The following ZNF814 variants were observed in gnomAD, a reference collection of about 807,000 sequenced individuals.
ZNF814 encodes zinc finger protein 814.
A neutral mutation model predicts 7.5 loss-of-function variants in ZNF814; 5 were observed. The ratio of observed to expected loss-of-function variants is 0.67; its 90% confidence interval spans 0.35 to 1.40. ZNF814 has a LOEUF of 1.40. Ranked by LOEUF, ZNF814 falls within the 40% of genes most tolerant of loss-of-function variation. The probability of loss-of-function intolerance (pLI) is 0.04; values close to 1 mark genes in which losing one functional copy is unlikely to be tolerated. For missense variants in ZNF814, 962 were observed against 1,018.0 expected, an observed-to-expected ratio of 0.94 and a Z score of 0.75; for synonymous variants, 315 against 340.7, an observed-to-expected ratio of 0.92 and a Z score of 0.83.
In ZNF814 at chr19:57,873,355, G is replaced by A; in HGVS notation, c.2035C>T (p.Gln679Ter). ...FSHKGNLILH[Q>*]HGHTGERPYV... is the part of the protein sequence containing the mutation. ...GGTCTTTCTCCAGTATGGCCATGCTGGTGTAGAATGAGGTTACCCTTGTGA... is the reference window on the plus strand; with the variant it reads ...GGTCTTTCTCCAGTATGGCCATGCTAGTGTAGAATGAGGTTACCCTTGTGA... Residue 679 changes from glutamine (Q) to a stop codon, truncating the protein, a stop_gained, in exon 3 of 3, where the codon CAG becomes TAG. Coordinates refer to ENST00000435989, the MANE Select transcript of ZNF814 (RefSeq NM_001144989.2). LOFTEE classifies it low-confidence loss of function (END_TRUNC). 6.3e-7 allele frequency: 1 copy of A among 1,598,244 alleles called. No homozygotes were observed. Among genetic ancestry groups the A allele is most frequent in the Non-Finnish European group, 8.5e-7 (1 of 1,172,092 alleles).
chr19:57,872,762 ACT>A lies in ZNF814; in HGVS notation c.*58_*59del, dbSNP rs1275336377. 6.8e-6 allele frequency: 11 copies of A among 1,607,224 alleles called. No individual in the cohort carries two copies. The East Asian group carries it at 8.9e-5, about 13-fold the overall frequency. ...TTCATATGGCCTTTCTCCAGTGTGA[ACT>A]CTCTGGTGTGCAATGAGGTGGTCCT... is the stretch of plus-strand genomic sequence containing the variant. On this transcript the variant is annotated 3_prime_UTR_variant, in exon 3 of 3. Coordinates refer to ENST00000435989, the MANE Select transcript of ZNF814 (RefSeq NM_001144989.2).
At chr19:57,902,645 A>T in the ZNF814 span, among the ~76,000 whole-genome samples, 2 of 151,522 alleles carry the variant, frequency 1.3e-5, no homozygotes, top group Non-Finnish European at 1.5e-5. Flanking sequence ...TTACGTTAGC[A>T]GTAGGAAATA....
At chr19:57,892,712 C>T (rs192353940), upstream of ZNF814, among the ~76,000 whole-genome samples, 2 of 152,226 alleles carry the variant, frequency 1.3e-5, no homozygotes, top group Non-Finnish European at 2.9e-5. Flanking sequence ...TGACAAGCAG[C>T]CACCTGAACT....
In ZNF814 at chr19:57,873,764, G is replaced by A. The variant is rs780252307; in HGVS notation, c.1626C>T (p.His542=). 1 of 1,613,760 alleles carries A rather than the reference G, an allele frequency of 6.2e-7. No individual in the cohort carries two copies. The highest frequency in any genetic ancestry group is 8.5e-7 in the Non-Finnish European group (1 of 1,179,900). The part of the protein sequence containing the change: ...KGHLRNHQQI[H]TGDRLYECGE... ...CACACTCATAAAGTCTGTCCCCAGT[G>A]TGAATTTGCTGATGGTTCCTAAGAT... Residue 542 remains histidine (H), a synonymous_variant, in exon 3 of 3, where the codon CAC becomes CAT. Coordinates refer to ENST00000435989, the MANE Select transcript of ZNF814 (RefSeq NM_001144989.2).
chr19:57,900,287 A>T, the ZNF814 span: 1 of 152,228 alleles, frequency 6.6e-6, no homozygotes, highest in African/African-American at 2.4e-5. Context: ...ATCACACAAA[A>T]TATTGATGAA....
the ZNF814 span, among the ~76,000 whole-genome samples, chr19:57,901,050 G>GTTAGACAGGA: frequency 6.6e-6 from 1 of 150,962 alleles, no homozygotes; most frequent in Non-Finnish European, 1.5e-5. Context: ...GGGTTTCACC[G>GTTAGACAGGA]TGGTCTTGAT....
chr19:57,869,836 A>G lies in ZNF814; in HGVS notation c.*2986T>C, dbSNP rs1260195182. 4 of 151,348 alleles carry G rather than the reference A, an allele frequency of 2.6e-5. No individual in the cohort carries two copies. Among genetic ancestry groups the G allele is most frequent in the Admixed American group, 6.6e-5 (1 of 15,136 alleles). 9.4% of individuals were successfully genotyped at this position (151,348 alleles called of 1,614,324 possible). A position where few individuals can be genotyped will look rare whatever the true frequency, so the allele number is the denominator to read the frequency against. Reference sequence around the variant, plus strand: ...GGCACATGCTTCCAGTCCCACCTACATGGGAGGCTGAGCCAGGAGAATTGC... The same window carrying G: ...GGCACATGCTTCCAGTCCCACCTACGTGGGAGGCTGAGCCAGGAGAATTGC... On this transcript the variant is annotated 3_prime_UTR_variant, in exon 3 of 3. Transcript: ENST00000435989.
chr19:57,897,637 C>T, the ZNF814 span, among the ~76,000 whole-genome samples: 2 of 152,214 alleles, frequency 1.3e-5, no homozygotes, highest in East Asian at 3.9e-4. Context: ...TCCCCCGCCA[C>T]AGCAGGCAGT....
the ZNF814 span, among the ~76,000 whole-genome samples, chr19:57,894,657 G>A: frequency 2.7e-3 from 409 of 151,238 alleles, 2 homozygotes; most frequent in African/African-American, 9.5e-3. Flanking sequence ...GTGAAACCCC[G>A]TCTCTACTAA....
the ZNF814 span, chr19:57,901,627 G>A: frequency 2.5e-6 from 1 of 398,682 alleles, no homozygotes; most frequent in East Asian, 3.6e-5. Flanking sequence ...GAAAATCTCA[G>A]AGACAAAGGA....
the ZNF814 span, among the ~76,000 whole-genome samples, chr19:57,894,574 A>G: frequency 6.6e-6 from 1 of 152,002 alleles, no homozygotes; most frequent in African/African-American, 2.4e-5. Flanking sequence ...TCACACCTGT[A>G]ATCCCAGCAC....
At position 57,874,015 on chromosome 19, in the gene ZNF814, C is replaced by T. The variant is rs777206582; in HGVS notation, c.1375G>A (p.Ala459Thr). The change falls in exon 3 of 3, where the codon GCC becomes ACC. Residue 459 changes from alanine to threonine, a missense_variant. By Grantham distance (58) the Ala-to-Thr change is moderately conservative (BLOSUM62 0). This residue lies in a region of ZNF814 where 665 missense variants were observed against 551.4 expected (regional missense o/e 1.21). Transcript: ENST00000435989. Reference sequence around the variant, plus strand: ...CCACACTTGAAAGGTCTTTCTCCGGCGTGAACTCGTTGATGGCTCCTAAGA... The same window carrying T: ...CCACACTTGAAAGGTCTTTCTCCGGTGTGAACTCGTTGATGGCTCCTAAGA... ...GHLRSHQRVHAGERPFKCGEC... is the reference protein window; with the variant it reads ...GHLRSHQRVHTGERPFKCGEC... The T allele has an allele frequency of 6.2e-6, 10 of 1,612,200 alleles. No individual in the cohort carries two copies. The highest frequency in any genetic ancestry group is 4.4e-5 in the South Asian group (4 of 90,890).
the ZNF814 span, among the ~76,000 whole-genome samples, chr19:57,905,047 C>CAAA: frequency 9.6e-3 from 508 of 52,984 alleles, 8 homozygotes; most frequent in East Asian, 0.012. Flanking sequence ...AACTCCGTCT[C>CAAA]AAAAAAAAAA....
the ZNF814 span, among the ~76,000 whole-genome samples, chr19:57,895,328 T>C: frequency 6.6e-6 from 1 of 150,750 alleles, no homozygotes; most frequent in Admixed American, 6.6e-5. Context: ...CAGGCTGGAG[T>C]GCAGTGGTGC....
chr19:57,900,991 C>T, the ZNF814 span, among the ~76,000 whole-genome samples: 3 of 151,648 alleles, frequency 2.0e-5, no homozygotes, highest in East Asian at 1.9e-4. Flanking sequence ...GGACTACAGG[C>T]ACCCGCCGCT....
chr19:57,896,161 G>A, the ZNF814 span, among the ~76,000 whole-genome samples: 3 of 141,184 alleles, frequency 2.1e-5, no homozygotes, highest in Non-Finnish European at 4.5e-5. The surrounding 1 kb of genome is among the most constrained non-coding windows in gnomAD (Gnocchi z 4.2). Context: ...TTTTGTGAGC[G>A]AGACTCCATC....
In ZNF814 at chr19:57,872,439, C is replaced by T. The variant is rs2071563604; in HGVS notation, c.*383G>A. 5 of 350,746 alleles carry T rather than the reference C, an allele frequency of 1.4e-5. No individual in the cohort carries two copies. The Admixed American group carries it at 1.7e-4, about 12-fold the overall frequency. The allele number at this position is 350,746 out of a possible 1,614,324, so 21.7% of individuals were successfully genotyped here. ...TGGTAAGGCCCTGATCCAGTGTTAA[C>T]TCTGATCTTGAAGGAGCAAAGAGGT... On this transcript the variant is annotated 3_prime_UTR_variant, in exon 3 of 3. Transcript: ENST00000435989.
At chr19:57,902,815 C>T in the ZNF814 span, among the ~76,000 whole-genome samples, 1 of 151,980 alleles carries the variant, frequency 6.6e-6, no homozygotes, top group Non-Finnish European at 1.5e-5. Flanking sequence ...CGCCCACCAC[C>T]ATGCCCGGCT....
Position 57,872,057 on chromosome 19 carries a change from G to C in ZNF814, c.*765C>G, listed in dbSNP as rs936384483. Among the ~76,000 whole-genome samples, 3 of 152,034 alleles carry C rather than the reference G, an allele frequency of 2.0e-5. No homozygotes were observed. The highest frequency in any genetic ancestry group is 7.2e-5 in the African/African-American group (3 of 41,394). ...CCAGATCAAGGGTGCAGTGAAATGT[G>C]AACACACCACTGCACGCCATCCTGA... On this transcript the variant is annotated 3_prime_UTR_variant, in exon 3 of 3. Coordinates refer to ENST00000435989, the MANE Select transcript of ZNF814 (RefSeq NM_001144989.2).
Sources: gnomAD v4.1 joint callset for allele counts (sites outside exome capture counted in the v4.1 genomes callset) on GRCh38, gnomAD v4.1.1 for gene constraint, gnomAD v4.1.1 regional missense constraint, Gnocchi (gnomAD v3.1) non-coding constraint, MANE v1.5 for transcripts, NCBI Gene and HGNC (gene_info 2026-07-23, HGNC 2026-07-21) for gene names.